Variants in PAX9 observed in about 807,000 individuals in gnomAD.
PAX9 encodes the protein paired box 9.
Under a neutral mutation model 29.1 loss-of-function variants are expected in PAX9, and 6 were observed. The observed-to-expected ratio is 0.21, with a 90% CI of 0.11 to 0.41. PAX9 has a LOEUF of 0.41. Among genes scored for constraint, PAX9 ranks in the 10% least tolerant of loss-of-function variants. The probability of loss-of-function intolerance (pLI) is 1.00; values close to 1 mark genes in which losing one functional copy is unlikely to be tolerated. For missense variants in PAX9, 443 were observed against 479.1 expected, an observed-to-expected ratio of 0.92 and a Z score of 0.70; for synonymous variants, 217 against 211.7, an observed-to-expected ratio of 1.03 and a Z score of -0.22.
At chr14:36,663,586 C>T in intron 2 of PAX9, 63 bp downstream of exon 2, 3 of 1,593,322 alleles carry the variant, frequency 1.9e-6, no homozygotes, top group Non-Finnish European at 2.6e-6. Context: ...TCGCGGAGGT[C>T]CCAGTATCTG....
rs939392975 is a variant in PAX9 at position 36,666,550 on chromosome 14, G to A, written c.720G>A (p.Ala240=). ...ACTTCCCCGCCGCCGCCCCGCACGC[G>A]GTGAACGGGTTGGAGAAGGGAGCCC... ...RNNFPAAAPH[A]VNGLEKGALE... The change falls in exon 3 of 4, where the codon GCG becomes GCA. Residue 240 remains alanine, a synonymous_variant. Coordinates refer to ENST00000361487, the MANE Select transcript of PAX9 (RefSeq NM_001372076.1). 7 of 1,583,346 alleles carry A rather than the reference G, an allele frequency of 4.4e-6. No homozygotes were observed. The highest frequency in any genetic ancestry group is 6.0e-6 in the Non-Finnish European group (7 of 1,164,730).
upstream of PAX9, among the ~76,000 whole-genome samples, chr14:36,661,305 C>G (rs147158970): frequency 6.6e-6 from 1 of 152,240 alleles, no homozygotes; most frequent in African/African-American, 2.4e-5. Flanking sequence ...ACCTGTGGCT[C>G]GGGCTCCCCG....
At chr14:36,665,594 A>G (rs1181010953) in intron 2 of PAX9, among the ~76,000 whole-genome samples, 1 of 152,192 alleles carries the variant, frequency 6.6e-6, no homozygotes, top group Admixed American at 6.5e-5. Flanking sequence ...ACTTTACACC[A>G]TACAATTTTC....
intron 3 of PAX9, among the ~76,000 whole-genome samples, chr14:36,666,880 G>A (rs1007082751): frequency 1.3e-5 from 2 of 152,288 alleles, no homozygotes; most frequent in East Asian, 1.9e-4. Context: ...TCTGGGAAGC[G>A]CCTCCAGGCC....
Position 36,663,023 on chromosome 14 carries a change from G to A in PAX9, c.131G>A (p.Arg44His). ...QLGIRPCDIS[R>H]QLRVSHGCVS... is the part of the protein sequence containing the mutation. The stretch of plus-strand genomic sequence containing the variant: ...GGCATCCGACCGTGTGACATCAGCC[G>A]CCAGCTACGGGTCTCGCACGGCTGC... The change falls in exon 2 of 4, where the codon CGC becomes CAC. Residue 44 changes from arginine (R) to histidine (H), a missense_variant. Around this residue, in one of 2 missense-constraint regions of PAX9, gnomAD observed 107 missense variants for 161.9 expected, o/e 0.66. Coordinates refer to ENST00000361487, the MANE Select transcript of PAX9 (RefSeq NM_001372076.1). The A allele has an allele frequency of 2.5e-6, 4 of 1,613,792 alleles. No homozygotes were observed. Among genetic ancestry groups the A allele is most frequent in the Middle Eastern group, 1.6e-4 (1 of 6,062 alleles).
chr14:36,675,006 A>G (rs1424386829), intron 3 of PAX9, among the ~76,000 whole-genome samples: 5 of 152,244 alleles, frequency 3.3e-5, no homozygotes, highest in Admixed American at 3.3e-4. Flanking sequence ...ATTAAATTAG[A>G]AAGTAATTCC....
chr14:36,662,858 C>A, intron 1 of PAX9, 39 bp from the exon 2 acceptor site: 1 of 1,585,508 alleles, frequency 6.3e-7, no homozygotes, highest in Non-Finnish European at 8.6e-7. Flanking sequence ...TCCCAAGCAG[C>A]GGGTGCGCGT....
chr14:36,662,824 G>A (rs35510737), intron 1 of PAX9, 73 bp from the exon 2 acceptor site: 2 of 1,559,302 alleles, frequency 1.3e-6, no homozygotes, highest in East Asian at 2.3e-5. Context: ...CGGATGCGTA[G>A]GGAGGCCCAG....
At chr14:36,676,166 ATTAT>A in intron 3 of PAX9, 28 bp from the exon 4 acceptor site, 2 of 1,612,762 alleles carry the variant, frequency 1.2e-6, no homozygotes, top group Non-Finnish European at 1.7e-6. Flanking sequence ...CTATAATGTG[ATTAT>A]TTTTCACTTC....
At chr14:36,661,237 G>C (rs1566465239), upstream of PAX9, among the ~76,000 whole-genome samples, 1 of 152,252 alleles carries the variant, frequency 6.6e-6, no homozygotes, top group Non-Finnish European at 1.5e-5. Context: ...CTGGACTGGG[G>C]GGTCGCCGCA....
At chr14:36,664,419 T>A (rs1393915870) in intron 2 of PAX9, among the ~76,000 whole-genome samples, 1 of 152,182 alleles carries the variant, frequency 6.6e-6, no homozygotes, top group Non-Finnish European at 1.5e-5. Context: ...CTGCATGTTT[T>A]AAGCAGTGCC....
Position 36,663,035 on chromosome 14 carries a change from T to C in PAX9, c.143T>C (p.Val48Ala). Reference protein sequence around the residue: ...RPCDISRQLRVSHGCVSKILA... With the variant: ...RPCDISRQLRASHGCVSKILA... ...TGTGACATCAGCCGCCAGCTACGGG[T>C]CTCGCACGGCTGCGTCAGCAAGATC... The change falls in exon 2 of 4, where the codon GTC (valine) becomes GCC (alanine). Residue 48 changes from valine to alanine, a missense_variant. Transcript: ENST00000361487. The C allele has an allele frequency of 6.2e-7, 1 of 1,613,596 alleles. No homozygotes were observed. The highest frequency in any genetic ancestry group is 8.5e-7 in the Non-Finnish European group (1 of 1,179,990).
Position 36,676,683 on chromosome 14 carries a change from T to G in PAX9, c.*231T>G, listed in dbSNP as rs541916401. 195 of 582,242 alleles carry G rather than the reference T, an allele frequency of 3.3e-4. No individual in the cohort carries two copies. Among genetic ancestry groups the G allele is most frequent in the Non-Finnish European group, 5.5e-4 (178 of 324,644 alleles). 36.1% of individuals were successfully genotyped at this position (582,242 alleles called of 1,614,324 possible). On this transcript the variant is annotated 3_prime_UTR_variant, in exon 4 of 4. Transcript: ENST00000361487. ...TAGGATTTAAAAACAAGAGCAACAA[T>G]AAGCATTGAATGAGACATTTGTGTT...
At chr14:36,667,516 C>T (rs571889099) in intron 3 of PAX9, among the ~76,000 whole-genome samples, 1 of 152,164 alleles carries the variant, frequency 6.6e-6, no homozygotes, top group Non-Finnish European at 1.5e-5. Flanking sequence ...AATTCCAAAG[C>T]CTCAAGCTAT....
At chr14:36,668,367 C>A (rs1178565727) in intron 3 of PAX9, among the ~76,000 whole-genome samples, 1 of 151,596 alleles carries the variant, frequency 6.6e-6, no homozygotes, top group African/African-American at 2.4e-5. Flanking sequence ...GTCATAATCC[C>A]AAAAAAAACC....
intron 2 of PAX9, among the ~76,000 whole-genome samples, chr14:36,665,713 A>G (rs908987275): frequency 6.6e-6 from 1 of 152,012 alleles, no homozygotes; most frequent in African/African-American, 2.4e-5. Flanking sequence ...TTGTATATAC[A>G]TTTTTTAAAC....
At position 36,678,356 on chromosome 14, in the gene PAX9, G is replaced by T; in HGVS notation, c.*1904G>T. The T allele has an allele frequency of 1.2e-6, 1 of 832,210 alleles. No homozygotes were observed. The highest frequency in any genetic ancestry group is 1.9e-6 in the Non-Finnish European group (1 of 525,646). 51.6% of individuals were successfully genotyped at this position (832,210 alleles called of 1,614,324 possible). A position where few individuals can be genotyped will look rare whatever the true frequency, so the allele number is the denominator to read the frequency against. On this transcript the variant is annotated 3_prime_UTR_variant, in exon 4 of 4. Transcript: ENST00000361487. Reference sequence around the variant, plus strand: ...AACTGCATTTATTTCTAAAGCAACCGAAATTCAGTGCTACAAATAGAGGAT... The same window carrying T: ...AACTGCATTTATTTCTAAAGCAACCTAAATTCAGTGCTACAAATAGAGGAT...
At chr14:36,665,711 A>G (rs1406194993) in intron 2 of PAX9, among the ~76,000 whole-genome samples, 1 of 152,086 alleles carries the variant, frequency 6.6e-6, no homozygotes, top group Non-Finnish European at 1.5e-5. Context: ...TCTTGTATAT[A>G]CATTTTTTAA....
Position 36,676,578 on chromosome 14 carries a change from C to A in PAX9, c.*126C>A. On this transcript the variant is annotated 3_prime_UTR_variant, in exon 4 of 4. Transcript: ENST00000361487. ...CCTTCTGCCTTGAAAGCTGGCTGTA[C>A]GGACTCACATCCTTTGTGCTAATGA... 2 of 1,063,334 alleles carry A rather than the reference C, an allele frequency of 1.9e-6. No individual in the cohort carries two copies. The highest frequency in any genetic ancestry group is 2.8e-6 in the Non-Finnish European group (2 of 714,940). The allele number at this position is 1,063,334 out of a possible 1,614,324, so 65.9% of individuals were successfully genotyped here.
Sources: gnomAD v4.1 joint callset for allele counts (sites outside exome capture counted in the v4.1 genomes callset) on GRCh38, gnomAD v4.1.1 for gene constraint, gnomAD v4.1.1 regional missense constraint, MANE v1.5 for transcripts, NCBI Gene and HGNC (gene_info 2026-07-23, HGNC 2026-07-21) for gene names.